TIAM2: variants seen among roughly 807,000 people sequenced by gnomAD.
The protein encoded by TIAM2 is rho guanine nucleotide exchange factor TIAM2.
In TIAM2, 80 loss-of-function variants were observed where a neutral mutation model predicts 152.9. That is an observed-to-expected ratio of 0.52 (90% CI 0.44 to 0.63). TIAM2 has a LOEUF of 0.63. Ranked by LOEUF, TIAM2 falls within the 30% of genes least tolerant of loss-of-function variation. The pLI, the probability that TIAM2 is intolerant of heterozygous loss-of-function variation, is 0.00. For missense variants in TIAM2, 1,965 were observed against 2,120.1 expected, an observed-to-expected ratio of 0.93 and a Z score of 1.44; for synonymous variants, 804 against 838.0, an observed-to-expected ratio of 0.96 and a Z score of 0.70.
intron 1 of TIAM2, among the ~76,000 whole-genome samples, chr6:155,047,664 A>AG (rs1777208389): frequency 1.6e-5 from 1 of 63,592 alleles, no homozygotes; most frequent in Non-Finnish European, 3.5e-5. Context: ...AGAGAGAGAG[A>AG]GAGGAGAGAG....
chr6:155,021,059 GTCTT>G (rs1335511514), intron 1 of TIAM2, among the ~76,000 whole-genome samples: 2 of 152,230 alleles, frequency 1.3e-5, no homozygotes, highest in African/African-American at 4.8e-5. Context: ...GTATCAGAAT[GTCTT>G]TCCCTTTTAA....
chr6:155,029,483 TAC>T (rs1562295197), intron 1 of TIAM2, among the ~76,000 whole-genome samples: 6 of 28,006 alleles, frequency 2.1e-4, no homozygotes, highest in East Asian at 1.5e-3. Flanking sequence ...ATAGTATATA[TAC>T]TATAGTATAT....
At chr6:155,062,172 TC>T (rs948970949) in intron 1 of TIAM2, among the ~76,000 whole-genome samples, 1 of 147,966 alleles carries the variant, frequency 6.8e-6, no homozygotes, top group African/African-American at 2.5e-5. Context: ...AGTAGACTGC[TC>T]TTTTTCATTG....
chr6:155,238,461 C>T (rs905282407), intron 15 of TIAM2, among the ~76,000 whole-genome samples: 38 of 152,134 alleles, frequency 2.5e-4, no homozygotes, highest in Non-Finnish European at 1.0e-4. Context: ...GCAGTGCCCC[C>T]GACTCAAAAG....
chr6:155,183,633 G>A (rs1345629887), intron 14 of TIAM2, 133 bp downstream of exon 14: 1 of 1,024,490 alleles, frequency 9.8e-7, no homozygotes, highest in Admixed American at 3.3e-5. Context: ...GAAGAACACA[G>A]ATGCCAACTG....
At chr6:155,084,118 C>T (rs966711383) in intron 1 of TIAM2, among the ~76,000 whole-genome samples, 1 of 152,184 alleles carries the variant, frequency 6.6e-6, no homozygotes, top group Non-Finnish European at 1.5e-5. Context: ...TCTGATCTAC[C>T]TGGGGCACTG....
intron 1 of TIAM2, among the ~76,000 whole-genome samples, chr6:155,011,166 T>C (rs564610650): frequency 6.6e-6 from 1 of 152,268 alleles, no homozygotes; most frequent in Admixed American, 6.5e-5. Flanking sequence ...AAAGGGATTC[T>C]TAGGATATTT....
intron 14 of TIAM2, among the ~76,000 whole-genome samples, chr6:155,200,679 C>T (rs1019411505): frequency 6.6e-6 from 1 of 152,012 alleles, no homozygotes; most frequent in African/African-American, 2.4e-5. Context: ...CTGAGGTGGG[C>T]GGATCACAAG....
At chr6:155,046,979 T>C (rs7769833) in intron 1 of TIAM2, among the ~76,000 whole-genome samples, 4,373 of 152,296 alleles carry the variant, frequency 0.029, 214 homozygotes, top group African/African-American at 0.1. Context: ...TGTGAAGATA[T>C]ATGTTTGGGG....
intron 7 of TIAM2, among the ~76,000 whole-genome samples, chr6:155,164,022 T>G (rs1255103561): frequency 6.6e-6 from 1 of 150,914 alleles, no homozygotes; most frequent in African/African-American, 2.4e-5. Flanking sequence ...TGCAGTGGCA[T>G]GATCTTGGCT....
intron 26 of TIAM2, chr6:155,254,815 T>A: frequency 2.1e-6 from 1 of 471,430 alleles, no homozygotes; most frequent in East Asian, 3.5e-5. Context: ...TACGATTTTG[T>A]TTCTTCCACT....
intron 14 of TIAM2, among the ~76,000 whole-genome samples, chr6:155,187,573 C>CTTTTTTTTTTTTTTT (rs59818801): frequency 8.1e-5 from 4 of 49,622 alleles, no homozygotes; most frequent in African/African-American, 2.4e-4. Flanking sequence ...ACCCCGCCCC[C>CTTTTTTTTTTTTTTT]TTTTTTTTTT....
intron 1 of TIAM2, among the ~76,000 whole-genome samples, chr6:155,024,982 G>A (rs1776570486): frequency 6.6e-6 from 1 of 152,122 alleles, no homozygotes; most frequent in South Asian, 2.1e-4. Context: ...GCATTCCATA[G>A]AACCTGGTTT....
chr6:155,003,552 G>A (rs1020088492), intron 1 of TIAM2, among the ~76,000 whole-genome samples: 1 of 152,170 alleles, frequency 6.6e-6, no homozygotes, highest in African/African-American at 2.4e-5. Flanking sequence ...AGTCAGAGAG[G>A]TGGAAGACTC....
rs1781798914 is a variant in TIAM2, at chr6:155,214,234, G to C, written c.3168+2927G>C. On this transcript the variant is annotated intron_variant, in intron 15 of 26. Transcript: ENST00000682666. This position sits in a 1 kb window ranked among gnomAD's most constrained non-coding sequence, Gnocchi z 5.4. ...GCACAGCGCTGGCCGTGCCTCCCCC[G>C]GTGCAGCCGGCATCATCGCAGTGAC... is the stretch of plus-strand genomic sequence containing the variant. Among the ~76,000 whole-genome samples, 1 of 152,196 alleles carries C rather than the reference G, an allele frequency of 6.6e-6. No individual in the cohort carries two copies. Among genetic ancestry groups the C allele is most frequent in the African/African-American group, 2.4e-5 (1 of 41,454 alleles).
chr6:155,027,228 G>A (rs746773325), intron 1 of TIAM2, among the ~76,000 whole-genome samples: 12 of 151,368 alleles, frequency 7.9e-5, no homozygotes, highest in Non-Finnish European at 1.5e-4. Flanking sequence ...GTTTCACCAT[G>A]TTGGCCAGGA....
In TIAM2 at chr6:155,155,037, G is replaced by A. The variant is rs149472195; in HGVS notation, c.2028+6703G>A. The stretch of plus-strand genomic sequence containing the variant: ...CACTGGAGTGTAGCATATTTGTGAG[G>A]GGATTTGAGGGAGATAAAGTCAGAT... On this transcript the variant is annotated intron_variant, in intron 7 of 26. Coordinates refer to ENST00000682666, the MANE Select transcript of TIAM2 (RefSeq NM_012454.4). Among the ~76,000 whole-genome samples the A allele has an allele frequency of 4.3e-3, 660 of 152,250 alleles. 5 individuals carry two copies. The highest frequency in any genetic ancestry group is 0.015 in the African/African-American group (617 of 41,546).
At chr6:155,028,809 T>C (rs181551042) in intron 1 of TIAM2, among the ~76,000 whole-genome samples, 2,397 of 96,342 alleles carry the variant, frequency 0.025, 140 homozygotes, top group Middle Eastern at 0.058. Context: ...TTATATACTA[T>C]ATATAATATA....
chr6:155,002,067 A>G (rs1778321786), intron 1 of TIAM2, among the ~76,000 whole-genome samples: 1 of 152,250 alleles, frequency 6.6e-6, no homozygotes, highest in Admixed American at 6.5e-5. Flanking sequence ...GAAGGATGAC[A>G]GCAGCGCCTT....
Sources: gnomAD v4.1 joint callset for allele counts (sites outside exome capture counted in the v4.1 genomes callset) on GRCh38, gnomAD v4.1.1 for gene constraint, Gnocchi (gnomAD v3.1) non-coding constraint, MANE v1.5 for transcripts, NCBI Gene and HGNC (gene_info 2026-07-23, HGNC 2026-07-21) for gene names.